RFX3: variants seen among roughly 807,000 people sequenced by gnomAD.
RFX3 encodes transcription factor RFX3.
A neutral mutation model predicts 98.6 loss-of-function variants in RFX3; 14 were observed. The observed-to-expected ratio is 0.14, with a 90% CI of 0.09 to 0.22. The LOEUF (loss-of-function observed/expected upper bound fraction) is 0.22, where lower values mean the gene tolerates loss of function less well. Among genes scored for constraint, RFX3 ranks in the 10% least tolerant of loss-of-function variants. The pLI is 1.00. For missense variants in RFX3, 639 were observed against 926.9 expected (o/e 0.69, Z 4.03); for synonymous variants, 383 against 328.4 (o/e 1.17, Z -1.80).
intron 15 of RFX3, among the ~76,000 whole-genome samples, chr9:3,242,250 T>A (rs1287505297): frequency 2.0e-5 from 3 of 152,194 alleles, no homozygotes; most frequent in Non-Finnish European, 4.4e-5. Flanking sequence ...CAAATAAGAA[T>A]GTAAGACATC....
chr9:3,503,632 T>C lies in RFX3; in HGVS notation c.-9+22115A>G, dbSNP rs148488278. Among the ~76,000 whole-genome samples the C allele has an allele frequency of 2.1e-3, 325 of 152,210 alleles. 2 individuals carry two copies. The highest frequency in any genetic ancestry group is 6.9e-3 in the African/African-American group (286 of 41,554). ...TATGACAATCTATTTGTCAAAATAA[T>C]AGAATTCAAGACAATTTGCCTCCAT... On this transcript the variant is annotated intron_variant, in intron 1 of 16. Coordinates refer to ENST00000617270, the MANE Select transcript of RFX3 (RefSeq NM_001282116.2).
At chr9:3,366,316 T>C (rs373836174) in intron 2 of RFX3, among the ~76,000 whole-genome samples, 48 of 152,272 alleles carry the variant, frequency 3.2e-4, no homozygotes, top group African/African-American at 1.1e-3. Flanking sequence ...CTACTTCTTG[T>C]TTGTTTTTTT....
intron 2 of RFX3, among the ~76,000 whole-genome samples, chr9:3,392,802 A>T (rs1840449058): frequency 6.6e-6 from 1 of 152,170 alleles, no homozygotes; most frequent in Non-Finnish European, 1.5e-5. Flanking sequence ...GCAATCCTGC[A>T]AACTAGAAGA....
At chr9:3,295,866 C>A (rs1827924454) in intron 5 of RFX3, among the ~76,000 whole-genome samples, 1 of 151,716 alleles carries the variant, frequency 6.6e-6, no homozygotes, top group Admixed American at 6.6e-5. Context: ...CAAAAGTATA[C>A]AAATAATAAA....
At chr9:3,253,202 T>C (rs1821663385) in intron 14 of RFX3, among the ~76,000 whole-genome samples, 1 of 152,232 alleles carries the variant, frequency 6.6e-6, no homozygotes, top group South Asian at 2.1e-4. Context: ...TAACATGCGA[T>C]AGCCAACCTG....
chr9:3,286,705 C>A (rs1212045969), intron 7 of RFX3, among the ~76,000 whole-genome samples: 1 of 151,948 alleles, frequency 6.6e-6, no homozygotes, highest in Non-Finnish European at 1.5e-5. Context: ...GCTTTACATA[C>A]AAGCAAATCC....
At chr9:3,275,046 C>T (rs1825020177) in intron 9 of RFX3, among the ~76,000 whole-genome samples, 1 of 151,408 alleles carries the variant, frequency 6.6e-6, no homozygotes, top group Non-Finnish European at 1.5e-5. Context: ...TATAGAGTTG[C>T]CTATTCTTTT....
chr9:3,405,666 CTT>C (rs1180348224), intron 1 of RFX3, among the ~76,000 whole-genome samples: 2 of 152,128 alleles, frequency 1.3e-5, no homozygotes, highest in African/African-American at 2.4e-5. Context: ...AGCCAGATTT[CTT>C]TTTTTCTCTC....
chr9:3,367,226 A>C (rs1188217389), intron 2 of RFX3, among the ~76,000 whole-genome samples: 1 of 152,188 alleles, frequency 6.6e-6, no homozygotes, highest in East Asian at 1.9e-4. Flanking sequence ...GGCAGCAGTC[A>C]GAGTCAATAC....
At chr9:3,328,665 G>C (rs190222533) in intron 4 of RFX3, among the ~76,000 whole-genome samples, 57 of 152,128 alleles carry the variant, frequency 3.7e-4, no homozygotes, top group African/African-American at 1.3e-3. Context: ...TTAAAATAAA[G>C]AGTTTTTTAA....
rs575426168 is a variant in RFX3, at chr9:3,397,072, T to C, written c.-8-1476A>G. Among the ~76,000 whole-genome samples, 6 of 152,298 alleles carry C rather than the reference T, an allele frequency of 3.9e-5. No individual in the cohort carries two copies. The South Asian group carries it at 6.2e-4, about 16-fold the overall frequency. ...AGTTGAAAGATGAGGGAGACTACTA[T>C]CATGTAAATGAGATTTGTAAACAAA... On this transcript the variant is annotated intron_variant, in intron 1 of 16. Transcript: ENST00000617270.
At chr9:3,393,143 A>G (rs935783530) in intron 2 of RFX3, among the ~76,000 whole-genome samples, 1 of 152,164 alleles carries the variant, frequency 6.6e-6, no homozygotes, top group Non-Finnish European at 1.5e-5. Context: ...GCTTAAAACT[A>G]AAAAATCAAG....
chr9:3,498,344 A>G (rs1482353934), intron 1 of RFX3, among the ~76,000 whole-genome samples: 3 of 152,070 alleles, frequency 2.0e-5, no homozygotes, highest in African/African-American at 7.2e-5. Context: ...TACAGTTCAA[A>G]TAGCCTGTTT....
Position 3,224,204 on chromosome 9 carries a change from A to G in RFX3, c.*838T>C, listed in dbSNP as rs1817530239. On this transcript the variant is annotated 3_prime_UTR_variant, in exon 17 of 17. Transcript: ENST00000617270. ...AAGTCAAGTCTTTTTTTTCTGCTTCAGTATCTAACTATAACAGCCCCCACT... is the reference window on the plus strand; with the variant it reads ...AAGTCAAGTCTTTTTTTTCTGCTTCGGTATCTAACTATAACAGCCCCCACT... 1 of 151,984 alleles carries G rather than the reference A, an allele frequency of 6.6e-6. No individual in the cohort carries two copies. Among genetic ancestry groups the G allele is most frequent in the Non-Finnish European group, 1.5e-5 (1 of 67,982 alleles). The allele number at this position is 151,984 out of a possible 1,614,324, so 9.4% of individuals were successfully genotyped here.
At chr9:3,518,877 T>G (rs1031709452) in intron 1 of RFX3, among the ~76,000 whole-genome samples, 1 of 152,194 alleles carries the variant, frequency 6.6e-6, no homozygotes, top group Non-Finnish European at 1.5e-5. Context: ...GGTACACAAG[T>G]AGTAACCTCA....
chr9:3,483,732 C>A (rs1199647964), intron 1 of RFX3, among the ~76,000 whole-genome samples: 1 of 152,220 alleles, frequency 6.6e-6, no homozygotes, highest in East Asian at 1.9e-4. Context: ...CAGTGCCAAT[C>A]TTGCCGTGGC....
intron 1 of RFX3, among the ~76,000 whole-genome samples, chr9:3,427,291 TATAA>T (rs900448056): frequency 3.5e-5 from 5 of 143,526 alleles, no homozygotes; most frequent in Non-Finnish European, 6.1e-5. Context: ...TAATACTATA[TATAA>T]ATATATATTG....
At chr9:3,488,048 G>C (rs969759720) in intron 1 of RFX3, among the ~76,000 whole-genome samples, 3 of 152,016 alleles carry the variant, frequency 2.0e-5, no homozygotes, top group African/African-American at 7.2e-5. Flanking sequence ...CTATAGGCTA[G>C]GCAATATTTT....
chr9:3,351,245 T>C, intron 2 of RFX3, among the ~76,000 whole-genome samples: 1 of 151,894 alleles, frequency 6.6e-6, no homozygotes, highest in East Asian at 1.9e-4. Flanking sequence ...GCAGTAATAC[T>C]AAAGGTGCTT....
Sources: allele counts gnomAD v4.1 joint callset (sites outside exome capture counted in the v4.1 genomes callset), GRCh38; gene constraint gnomAD v4.1.1; transcripts MANE v1.5; gene names NCBI Gene and HGNC (gene_info 2026-07-23, HGNC 2026-07-21).